The following ESR1 variants were observed in gnomAD, a reference collection of about 807,000 sequenced individuals.
ESR1 encodes the protein estrogen receptor.
Under a neutral mutation model 52.7 loss-of-function variants are expected in ESR1, and 12 were observed. The ratio of observed to expected loss-of-function variants is 0.23; its 90% confidence interval spans 0.15 to 0.37. ESR1 has a LOEUF of 0.37. Among genes scored for constraint, ESR1 ranks in the 10% least tolerant of loss-of-function variants. ESR1 has a pLI of 1.00. For synonymous variants in ESR1, 305 were observed against 316.8 expected, an observed-to-expected ratio of 0.96 and a Z score of 0.39; for missense variants, 584 against 779.7, an observed-to-expected ratio of 0.75 and a Z score of 2.99.
intron 1 of ESR1, among the ~76,000 whole-genome samples, chr6:151,822,452 C>A (rs973018653): frequency 1.3e-5 from 2 of 152,218 alleles, no homozygotes; most frequent in African/African-American, 4.8e-5. Flanking sequence ...CTCTGAGAGG[C>A]TTTGCTCAGC....
At chr6:151,749,137 C>T (rs1466610596) in intron 2 of ESR1, among the ~76,000 whole-genome samples, 2 of 143,398 alleles carry the variant, frequency 1.4e-5, no homozygotes, top group Non-Finnish European at 3.0e-5. Flanking sequence ...ATAGGCTAAG[C>T]TACTGTGAAA....
chr6:151,891,525 T>C (rs1794698205), intron 3 of ESR1, among the ~76,000 whole-genome samples: 1 of 152,128 alleles, frequency 6.6e-6, no homozygotes, highest in African/African-American at 2.4e-5. Context: ...GGCTAATGGG[T>C]AGTTTTTAGA....
chr6:151,956,845 T>C (rs3003918), intron 4 of ESR1, among the ~76,000 whole-genome samples: 1 of 30,792 alleles, frequency 3.2e-5, no homozygotes, highest in Admixed American at 3.6e-4. Flanking sequence ...TATAAATAAA[T>C]ATATATATAT....
At chr6:152,005,460 G>T (rs996434378) in intron 4 of ESR1, among the ~76,000 whole-genome samples, 1 of 151,886 alleles carries the variant, frequency 6.6e-6, no homozygotes, top group Non-Finnish European at 1.5e-5. Context: ...AGCACAAACT[G>T]CCCAATTTAA....
intron 6 of ESR1, among the ~76,000 whole-genome samples, chr6:152,085,286 G>C (rs2049607942): frequency 6.6e-6 from 1 of 151,944 alleles, no homozygotes; most frequent in African/African-American, 2.4e-5. Flanking sequence ...CTGGGTGACA[G>C]AGCAAGACCC....
chr6:151,924,243 A>G (rs2032267967), intron 3 of ESR1, among the ~76,000 whole-genome samples: 1 of 152,020 alleles, frequency 6.6e-6, no homozygotes, highest in Non-Finnish European at 1.5e-5. Flanking sequence ...GGGTTTCACC[A>G]TATTGGCCAG....
At position 151,927,884 on chromosome 6, in the gene ESR1, A is replaced by AT. The variant is rs34405733; in HGVS notation, c.761-16278dup. ...AGGCATGCTCCAATACACTTGGCTA[A>AT]TTTTTTTTTTTGTATTTTTAGTAGA... On this transcript the variant is annotated intron_variant, in intron 3 of 7. Transcript: ENST00000206249. Among the ~76,000 whole-genome samples the AT allele has an allele frequency of 4.7e-3, 705 of 149,746 alleles. 6 individuals carry two copies. The highest frequency in any genetic ancestry group is 0.016 in the African/African-American group (657 of 40,570).
At chr6:151,962,066 G>T (rs1461703488) in intron 4 of ESR1, among the ~76,000 whole-genome samples, 1 of 152,158 alleles carries the variant, frequency 6.6e-6, no homozygotes, top group African/African-American at 2.4e-5. Flanking sequence ...ATGTTGAGTG[G>T]CTAGGGGACA....
chr6:151,679,807 G>C (rs1213970391), intron 1 of ESR1, among the ~76,000 whole-genome samples: 1 of 152,136 alleles, frequency 6.6e-6, no homozygotes. Flanking sequence ...CTTTGCTCTT[G>C]CTACTGTTCT....
chr6:151,895,298 G>T (rs1341209553), intron 3 of ESR1, among the ~76,000 whole-genome samples: 3 of 151,860 alleles, frequency 2.0e-5, no homozygotes, highest in Non-Finnish European at 2.9e-5. Context: ...GCTTTTTGGG[G>T]GAGTCTTTAG....
intron 1 of ESR1, among the ~76,000 whole-genome samples, chr6:151,833,564 C>T (rs1029008613): frequency 6.6e-6 from 1 of 151,998 alleles, no homozygotes; most frequent in Non-Finnish European, 1.5e-5. Context: ...GAGGACTCAC[C>T]ATGTCCATAC....
At chr6:151,838,464 C>T (rs917480930) in intron 1 of ESR1, among the ~76,000 whole-genome samples, 2 of 152,130 alleles carry the variant, frequency 1.3e-5, no homozygotes, top group Non-Finnish European at 2.9e-5. Flanking sequence ...GGACACCTCC[C>T]AGTCTGTTCC....
intron 7 of ESR1, chr6:152,096,727 C>T (rs1368113974): frequency 8.8e-6 from 4 of 455,628 alleles, no homozygotes; most frequent in Non-Finnish European, 1.8e-5. Flanking sequence ...TGACTGCATT[C>T]AGAGTATACA....
At chr6:151,934,128 C>T (rs923278334) in intron 3 of ESR1, among the ~76,000 whole-genome samples, 1 of 152,222 alleles carries the variant, frequency 6.6e-6, no homozygotes, top group African/African-American at 2.4e-5. Flanking sequence ...TGTGACCTCT[C>T]TGGTCTTTGG....
intron 1 of ESR1, among the ~76,000 whole-genome samples, chr6:151,836,362 G>A: frequency 6.6e-6 from 1 of 152,152 alleles, no homozygotes; most frequent in South Asian, 2.1e-4. Flanking sequence ...GAGGAACAAA[G>A]TCACGTCTTA....
rs989861790 is a variant in ESR1, at chr6:152,098,924, T to C, written c.1746T>C (p.Tyr582=). Residue 582 remains tyrosine (Y), a synonymous_variant, in exon 8 of 8, where the codon TAT becomes TAC. Coordinates refer to ENST00000206249, the MANE Select transcript of ESR1 (RefSeq NM_000125.4). This position sits in a 1 kb window ranked among gnomAD's most constrained non-coding sequence, Gnocchi z 5.1. ...CTTCATCGCATTCCTTGCAAAAGTA[T>C]TACATCACGGGGGAGGCAGAGGGTT... ...GSTSSHSLQK[Y]YITGEAEGFP... is the part of the protein sequence containing the mutation. 3.0e-5 allele frequency: 49 copies of C among 1,614,034 alleles called. No individual in the cohort carries two copies. The highest frequency in any genetic ancestry group is 3.7e-5 in the Non-Finnish European group (44 of 1,180,048).
intron 6 of ESR1, among the ~76,000 whole-genome samples, chr6:152,063,962 C>T (rs1249886369): frequency 6.6e-6 from 1 of 152,198 alleles, no homozygotes; most frequent in Non-Finnish European, 1.5e-5. Context: ...GAATGTCTTT[C>T]TGGAAGTTTG....
chr6:151,825,449 A>T (rs150216241), intron 1 of ESR1, among the ~76,000 whole-genome samples: 32 of 152,306 alleles, frequency 2.1e-4, no homozygotes, highest in African/African-American at 7.7e-4. Context: ...TACTTGTGCC[A>T]TTTTCTGGGG....
Position 151,766,464 on chromosome 6 carries a change from G to A in ESR1, c.-70-41379G>A, listed in dbSNP as rs537487720. ...CCACTGCACTCCAACCTGGGTGATC[G>A]AGTGAGACCCCATTTCAAAACAAAC... On this transcript the variant is annotated intron_variant, in intron 2 of 2. Transcript: ENST00000404742. Among the ~76,000 whole-genome samples, 14 of 151,932 alleles carry A rather than the reference G, an allele frequency of 9.2e-5. No individual in the cohort carries two copies. The South Asian group carries it at 2.7e-3, about 29-fold the overall frequency.
Sources: gnomAD v4.1 joint callset for allele counts (sites outside exome capture counted in the v4.1 genomes callset) on GRCh38, gnomAD v4.1.1 for gene constraint, Gnocchi (gnomAD v3.1) non-coding constraint, MANE v1.5 for transcripts, NCBI Gene and HGNC (gene_info 2026-07-23, HGNC 2026-07-21) for gene names.